DNAH14: variants seen among roughly 807,000 people sequenced by gnomAD.
DNAH14 encodes axonemal beta dynein heavy chain 14.
Under a neutral mutation model 520.9 loss-of-function variants are expected in DNAH14, and 478 were observed. The observed-to-expected ratio is 0.92, with a 90% CI of 0.85 to 0.99. The LOEUF is 0.99. Ranked by LOEUF, DNAH14 falls within the 50% of genes least tolerant of loss-of-function variation. DNAH14 has a pLI of 0.00. For synonymous variants in DNAH14, 1,581 were observed against 1,757.2 expected, an observed-to-expected ratio of 0.90 and a Z score of 2.51; for missense variants, 4,831 against 5,234.5, an observed-to-expected ratio of 0.92 and a Z score of 2.38.
intron 25 of DNAH14, 68 bp from the exon 26 acceptor site, chr1:225,119,152 T>C (rs2077102699): frequency 8.3e-7 from 1 of 1,207,866 alleles, no homozygotes; most frequent in Non-Finnish European, 1.1e-6. Flanking sequence ...GTCTACAGGC[T>C]TGTCAAAGGA....
intron 43 of DNAH14, among the ~76,000 whole-genome samples, chr1:225,246,011 G>C (rs1223248411): frequency 2.0e-5 from 3 of 150,580 alleles, no homozygotes; most frequent in Non-Finnish European, 4.4e-5. Flanking sequence ...GCATGATACT[G>C]GTACCAAAAC....
rs1315577206 is a variant in DNAH14, at chr1:224,929,878, C to T, written c.-34+43C>T. The T allele has an allele frequency of 1.4e-5, 9 of 623,970 alleles. No individual in the cohort carries two copies. In the East Asian group the frequency reaches 2.0e-4, roughly 14 times the overall value. 38.7% of individuals were successfully genotyped at this position (623,970 alleles called of 1,614,324 possible). ...TTCCTGTCAGCGGTCGGCAGAGCCT[C>T]GGCGGGCGGGCGGCGCGTGGGGCAG... On this transcript the variant is annotated intron_variant, in intron 1 of 85. Transcript: ENST00000682510.
chr1:225,211,324 G>A (rs559220305), intron 41 of DNAH14, among the ~76,000 whole-genome samples: 2 of 152,242 alleles, frequency 1.3e-5, no homozygotes, highest in South Asian at 4.1e-4. Context: ...ACCTGTTGGA[G>A]CTGAAAAACA....
Position 225,041,855 on chromosome 1 carries a change from A to G in DNAH14, c.1489-980A>G, listed in dbSNP as rs571875590. On this transcript the variant is annotated intron_variant, in intron 12 of 85. Coordinates refer to ENST00000682510, the MANE Select transcript of DNAH14 (RefSeq NM_001367479.1). ...GCAGCACATTATATATTTATTAAGA[A>G]TTGTCTGGGTGGACTTTCTTTTATT... Among the ~76,000 whole-genome samples, 5 of 152,316 alleles carry G rather than the reference A, an allele frequency of 3.3e-5. No individual in the cohort carries two copies. The South Asian group carries it at 1.0e-3, about 32-fold the overall frequency.
At chr1:225,061,305 C>T (rs1021162991) in intron 17 of DNAH14, among the ~76,000 whole-genome samples, 1 of 152,230 alleles carries the variant, frequency 6.6e-6, no homozygotes, top group African/African-American at 2.4e-5. Flanking sequence ...GCGTAGGACC[C>T]TCTGAGCCAG....
chr1:225,011,982 A>G (rs2064810156), intron 10 of DNAH14, among the ~76,000 whole-genome samples: 1 of 151,920 alleles, frequency 6.6e-6, no homozygotes, highest in African/African-American at 2.4e-5. Flanking sequence ...TGTGAATTTC[A>G]TCTTGTCATT....
At chr1:225,245,618 A>C (rs1199880234) in intron 43 of DNAH14, among the ~76,000 whole-genome samples, 1 of 152,204 alleles carries the variant, frequency 6.6e-6, no homozygotes, top group African/African-American at 2.4e-5. Context: ...GTGAACTCAC[A>C]TTTACATTTG....
Position 225,307,446 on chromosome 1 carries a change from T to C in DNAH14, c.9006-15T>C. On this transcript the variant is annotated splice_polypyrimidine_tract_variant and intron_variant, in intron 58 of 85. Transcript: ENST00000682510. ...GTTATATCTTACACCTTCTTAATAC[T>C]TTTTCTTCCTTCAGGGATCGCTTCC... 1.3e-6 allele frequency: 2 copies of C among 1,502,728 alleles called. No individual in the cohort carries two copies. The highest frequency in any genetic ancestry group is 1.8e-6 in the Non-Finnish European group (2 of 1,117,282). The allele number at this position is 1,502,728 out of a possible 1,614,324, so 93.1% of individuals were successfully genotyped here. A position where few individuals can be genotyped will look rare whatever the true frequency, so the allele number is the denominator to read the frequency against.
At chr1:224,947,382 T>C (rs1191026792) in intron 1 of DNAH14, among the ~76,000 whole-genome samples, 3 of 152,320 alleles carry the variant, frequency 2.0e-5, no homozygotes, top group South Asian at 4.1e-4. Flanking sequence ...ATTCCTGACC[T>C]TTTATTCTTC....
intron 36 of DNAH14, among the ~76,000 whole-genome samples, chr1:225,176,207 C>G (rs551803246): frequency 7.2e-4 from 109 of 151,788 alleles, no homozygotes; most frequent in African/African-American, 2.5e-3. Flanking sequence ...TTTCATTGAC[C>G]CATTGCTTGT....
chr1:225,395,457 T>C (rs2095994676), intron 84 of DNAH14, among the ~76,000 whole-genome samples: 1 of 151,790 alleles, frequency 6.6e-6, no homozygotes, highest in Non-Finnish European at 1.5e-5. Context: ...CCGGGCGTAG[T>C]GGCGGGCGCC....
chr1:225,096,913 T>C (rs112759290), intron 21 of DNAH14, among the ~76,000 whole-genome samples: 1 of 152,162 alleles, frequency 6.6e-6, no homozygotes, highest in African/African-American at 2.4e-5. Context: ...ATAATAAATA[T>C]GACAGAAAAT....
At chr1:225,039,321 A>AT (rs2067239700) in intron 12 of DNAH14, among the ~76,000 whole-genome samples, 1 of 152,282 alleles carries the variant, frequency 6.6e-6, no homozygotes, top group East Asian at 1.9e-4. Flanking sequence ...TGTTCAAAGC[A>AT]TTTTTGTTGT....
At chr1:225,142,827 A>G (rs1431205968) in intron 28 of DNAH14, among the ~76,000 whole-genome samples, 1 of 152,186 alleles carries the variant, frequency 6.6e-6, no homozygotes, top group East Asian at 1.9e-4. Flanking sequence ...TCAGGAGGCT[A>G]AGGCAGGAGA....
At position 225,307,507 on chromosome 1, in the gene DNAH14, C is replaced by A; in HGVS notation, c.9052C>A (p.Leu3018Ile). The A allele has an allele frequency of 6.5e-7, 1 of 1,547,940 alleles. No homozygotes were observed. Among genetic ancestry groups the A allele is most frequent in the Non-Finnish European group, 8.7e-7 (1 of 1,145,928 alleles). The change falls in exon 59 of 86, where the codon CTA (leucine) becomes ATA (isoleucine). Residue 3018 changes from leucine (L) to isoleucine (I), a missense_variant. By Grantham distance (5) the Leu-to-Ile change is conservative (BLOSUM62 2). Coordinates refer to ENST00000682510, the MANE Select transcript of DNAH14 (RefSeq NM_001367479.1). Reference protein sequence around the residue: ...GLSTILEATTLVTEMQEELLI... With the variant: ...GLSTILEATTIVTEMQEELLI... The stretch of plus-strand genomic sequence containing the variant: ...ATCCACAATCCTGGAAGCAACCACT[C>A]TAGTTACAGAAATGCAAGAAGAGCT...
Position 225,159,492 on chromosome 1 carries a change from A to G in DNAH14, c.5445+7A>G, listed in dbSNP as rs1199104300. 6.6e-7 allele frequency: 1 copy of G among 1,505,914 alleles called. No homozygotes were observed. Among genetic ancestry groups the G allele is most frequent in the Non-Finnish European group, 8.9e-7 (1 of 1,128,728 alleles). 93.3% of individuals were successfully genotyped at this position (1,505,914 alleles called of 1,614,324 possible). A position where few individuals can be genotyped will look rare whatever the true frequency, so the allele number is the denominator to read the frequency against. On this transcript the variant is annotated splice_region_variant and intron_variant, in intron 35 of 85. Transcript: ENST00000682510. Reference sequence around the variant, plus strand: ...AAATCAACTTGCCTTGGAGGTAAAAAGACCTTTGAAAATCATCACCAATTA... The same window carrying G: ...AAATCAACTTGCCTTGGAGGTAAAAGGACCTTTGAAAATCATCACCAATTA...
chr1:225,196,378 A>G (rs2086131684), intron 38 of DNAH14, among the ~76,000 whole-genome samples: 1 of 152,158 alleles, frequency 6.6e-6, no homozygotes, highest in African/African-American at 2.4e-5. Context: ...ATTCCATAGT[A>G]TACATATATA....
Position 225,007,305 on chromosome 1 carries a change from A to G in DNAH14, c.976-108A>G, listed in dbSNP as rs770162771. The G allele has an allele frequency of 2.6e-4, 242 of 922,710 alleles. 1 individual carries two copies. Among genetic ancestry groups the G allele is most frequent in the Non-Finnish European group, 3.4e-4 (235 of 691,092 alleles). The allele number at this position is 922,710 out of a possible 1,614,324, so 57.2% of individuals were successfully genotyped here. A position where few individuals can be genotyped will look rare whatever the true frequency, so the allele number is the denominator to read the frequency against. On this transcript the variant is annotated intron_variant, in intron 9 of 85. Coordinates refer to ENST00000682510, the MANE Select transcript of DNAH14 (RefSeq NM_001367479.1). ...AGTCATATAGGATATACAGAAGAAA[A>G]TGTAAAATATGGAGTCTTCTTTATG...
At chr1:225,078,809 TCTCTCTCTCTCTCTCC>T (rs2072651059) in intron 17 of DNAH14, among the ~76,000 whole-genome samples, 1 of 50,886 alleles carries the variant, frequency 2.0e-5, no homozygotes, top group Non-Finnish European at 5.1e-5. Flanking sequence ...TCTCTCTCTC[TCTCTCTCTCTCTCTCC>T]CTCTCTCTCT....
Sources: gnomAD v4.1 joint callset for allele counts (sites outside exome capture counted in the v4.1 genomes callset) on GRCh38, gnomAD v4.1.1 for gene constraint, MANE v1.5 for transcripts, NCBI Gene and HGNC (gene_info 2026-07-23, HGNC 2026-07-21) for gene names.